The following ACTR10 variants were observed in gnomAD, a reference collection of about 807,000 sequenced individuals.
The protein encoded by ACTR10 is actin-related protein 10.
Under a neutral mutation model 56.2 loss-of-function variants are expected in ACTR10, and 43 were observed. The observed-to-expected ratio is 0.77, with a 90% confidence interval of 0.60 to 0.99. ACTR10 has a LOEUF of 0.99. ACTR10 is among the 50% of genes least tolerant of loss of function. ACTR10 has a pLI of 0.00. For missense variants in ACTR10, 466 were observed against 507.8 expected (o/e 0.92, Z 0.79); for synonymous variants, 170 against 176.3 (o/e 0.96, Z 0.28).
chr14:58,210,698 A>G (rs1229537509), intron 4 of ACTR10, among the ~76,000 whole-genome samples: 2 of 142,432 alleles, frequency 1.4e-5, no homozygotes, highest in South Asian at 4.3e-4. Context: ...TTTTTGAGAC[A>G]GAGTCTTGCT....
At chr14:58,232,985 C>T (rs1280067464) in intron 12 of ACTR10, among the ~76,000 whole-genome samples, 2 of 151,818 alleles carry the variant, frequency 1.3e-5, no homozygotes, top group Non-Finnish European at 2.9e-5. Flanking sequence ...ATCCTCCTGC[C>T]TCAGCCTCCC....
intron 2 of ACTR10, among the ~76,000 whole-genome samples, chr14:58,203,314 A>AG (rs1474444509): frequency 1.3e-5 from 2 of 151,674 alleles, no homozygotes; most frequent in Non-Finnish European, 2.9e-5. Context: ...AAAAAAAAAA[A>AG]AAAAAAAGAA....
Position 58,232,242 on chromosome 14 carries a change from AG to A in ACTR10, c.1048del (p.Ala350LeufsTer48). 1 of 1,613,632 alleles carries A rather than the reference AG, an allele frequency of 6.2e-7. No individual in the cohort carries two copies. Among genetic ancestry groups the A allele is most frequent in the Non-Finnish European group, 8.5e-7 (1 of 1,179,802 alleles). ...TTCGAATTCATACTCCACCTGCAAA[AG>A]CTAATTGTGTGGCCTGGTTGGGAGG... ...TFRIHTPPAK[A>X]NCVAWLGGAI... On this transcript the variant is annotated frameshift_variant, in exon 12 of 13. Coordinates refer to ENST00000254286, the MANE Select transcript of ACTR10 (RefSeq NM_018477.3). LOFTEE classifies it high-confidence loss of function.
intron 5 of ACTR10, among the ~76,000 whole-genome samples, chr14:58,212,417 T>C (rs1437865836): frequency 6.6e-6 from 1 of 152,216 alleles, no homozygotes; most frequent in Non-Finnish European, 1.5e-5. Context: ...CTAGTGGACA[T>C]TGCTTTATTG....
intron 5 of ACTR10, among the ~76,000 whole-genome samples, chr14:58,212,060 A>G (rs766353085): frequency 6.6e-6 from 1 of 152,220 alleles, no homozygotes. Context: ...TCAAATACAC[A>G]ATAAGTGCAA....
chr14:58,216,577 C>G (rs541081282), intron 7 of ACTR10, among the ~76,000 whole-genome samples: 12 of 152,282 alleles, frequency 7.9e-5, no homozygotes, highest in African/African-American at 2.6e-4. Context: ...GGTCACTAAA[C>G]TTTATCCTTT....
chr14:58,206,892 G>T (rs1209991109), intron 2 of ACTR10, among the ~76,000 whole-genome samples: 5 of 152,168 alleles, frequency 3.3e-5, no homozygotes, highest in Non-Finnish European at 1.5e-5. Flanking sequence ...AGCAGAAAGG[G>T]GGACATTTTA....
At position 58,211,510 on chromosome 14, in the gene ACTR10, G is replaced by A. The variant is rs1365955048; in HGVS notation, c.450+111G>A. The stretch of plus-strand genomic sequence containing the variant: ...GTACTGAACTATTTTGGGTTACTAT[G>A]TACAAATATGAATTACAATGTGGAA... On this transcript the variant is annotated intron_variant, in intron 5 of 12. Transcript: ENST00000254286. 3 of 713,154 alleles carry A rather than the reference G, an allele frequency of 4.2e-6. No individual in the cohort carries two copies. In the African/African-American group the frequency reaches 5.4e-5, roughly 13 times the overall value. The allele number at this position is 713,154 out of a possible 1,614,324, so 44.2% of individuals were successfully genotyped here.
At chr14:58,230,243 A>G (rs1432215590) in intron 10 of ACTR10, among the ~76,000 whole-genome samples, 156 bp from the exon 11 acceptor site, 1 of 152,182 alleles carries the variant, frequency 6.6e-6, no homozygotes, top group African/African-American at 2.4e-5. Flanking sequence ...TATCCTCTCC[A>G]TTTACAAATG....
At chr14:58,201,397 GAA>G in intron 1 of ACTR10, among the ~76,000 whole-genome samples, 1 of 152,250 alleles carries the variant, frequency 6.6e-6, no homozygotes, top group South Asian at 2.1e-4. Flanking sequence ...AGCTATATTT[GAA>G]AAAGACAGCA....
At chr14:58,227,645 C>T (rs1889434631) in intron 10 of ACTR10, among the ~76,000 whole-genome samples, 1 of 152,188 alleles carries the variant, frequency 6.6e-6, no homozygotes. Flanking sequence ...GGCATAGTGG[C>T]AAGGGCCTGA....
chr14:58,222,024 T>G (rs923478035), intron 8 of ACTR10, among the ~76,000 whole-genome samples: 1 of 152,222 alleles, frequency 6.6e-6, no homozygotes, highest in Non-Finnish European at 1.5e-5. Context: ...CCTAGCTCAC[T>G]GTCTAGCATA....
At chr14:58,213,825 C>T in intron 6 of ACTR10, 127 bp downstream of exon 6, 1 of 630,876 alleles carries the variant, frequency 1.6e-6, no homozygotes, top group Non-Finnish European at 2.6e-6. Flanking sequence ...ATTCCGCCCT[C>T]TATTAGCTTC....
rs1889338769 is a variant in ACTR10, at chr14:58,223,835, TA to T, written c.768del (p.Leu256PhefsTer28). ...TATCCATTAGATGGAGAGAAGATTTTACATATCCTTGGATCAATCAGGTTAG... is the reference window on the plus strand; with the variant it reads ...TATCCATTAGATGGAGAGAAGATTTTCATATCCTTGGATCAATCAGGTTAG... ...VDYPLDGEKI[L>X]HILGSIRDSV... On this transcript the variant is annotated frameshift_variant, in exon 10 of 13. Transcript: ENST00000254286. LOFTEE classifies it high-confidence loss of function. 6.2e-7 allele frequency: 1 copy of T among 1,612,756 alleles called. No homozygotes were observed. The highest frequency in any genetic ancestry group is 1.3e-5 in the African/African-American group (1 of 74,886).
chr14:58,232,846 C>T (rs1355544235), intron 12 of ACTR10, among the ~76,000 whole-genome samples: 2 of 151,436 alleles, frequency 1.3e-5, no homozygotes, highest in South Asian at 2.1e-4. Context: ...TGAATTTATT[C>T]CAGTGATGCT....
At chr14:58,205,448 G>A (rs1888834971) in intron 2 of ACTR10, among the ~76,000 whole-genome samples, 1 of 150,760 alleles carries the variant, frequency 6.6e-6, no homozygotes, top group South Asian at 2.1e-4. Flanking sequence ...CCGAGTAGCT[G>A]GGACTACAGT....
chr14:58,219,875 G>A (rs1040907457), intron 8 of ACTR10, 146 bp downstream of exon 8: 2 of 511,228 alleles, frequency 3.9e-6, no homozygotes, highest in Non-Finnish European at 6.4e-6. Flanking sequence ...GATACTCTAA[G>A]TACAAATTCC....
rs972944226 is a variant in ACTR10, at chr14:58,234,977, C to T, written c.*426C>T. 2.0e-5 allele frequency: 3 copies of T among 152,762 alleles called. No homozygotes were observed. Among genetic ancestry groups the T allele is most frequent in the African/African-American group, 7.2e-5 (3 of 41,428 alleles). The allele number at this position is 152,762 out of a possible 1,614,324, so 9.5% of individuals were successfully genotyped here. A position where few individuals can be genotyped will look rare whatever the true frequency, so the allele number is the denominator to read the frequency against. Reference sequence around the variant, plus strand: ...GGGACTATAGGCATACGCCACCCCGCCCGGCTAATTTTTTGTATATTTAGT... The same window carrying T: ...GGGACTATAGGCATACGCCACCCCGTCCGGCTAATTTTTTGTATATTTAGT... On this transcript the variant is annotated 3_prime_UTR_variant, in exon 13 of 13. Coordinates refer to ENST00000254286, the MANE Select transcript of ACTR10 (RefSeq NM_018477.3).
rs969576130 is a variant in ACTR10 at position 58,235,471 on chromosome 14, T to G, written c.*920T>G. On this transcript the variant is annotated 3_prime_UTR_variant, in exon 13 of 13. Coordinates refer to ENST00000254286, the MANE Select transcript of ACTR10 (RefSeq NM_018477.3). ...TTCTAAGAAAAAAGATACTTCATTT[T>G]TATATAAGGTTACAACTGCTTTATA... 4 of 152,240 alleles carry G rather than the reference T, an allele frequency of 2.6e-5. No individual in the cohort carries two copies. Among genetic ancestry groups the G allele is most frequent in the Non-Finnish European group, 5.9e-5 (4 of 68,042 alleles). The allele number at this position is 152,240 out of a possible 1,614,324, so 9.4% of individuals were successfully genotyped here. A position where few individuals can be genotyped will look rare whatever the true frequency, so the allele number is the denominator to read the frequency against.
Sources: allele counts gnomAD v4.1 joint callset (sites outside exome capture counted in the v4.1 genomes callset), GRCh38; gene constraint gnomAD v4.1.1; transcripts MANE v1.5; gene names NCBI Gene and HGNC (gene_info 2026-07-23, HGNC 2026-07-21).